GRIN2B: variants seen among roughly 807,000 people sequenced by gnomAD.
The protein encoded by GRIN2B is glutamate ionotropic receptor NMDA type subunit 2B.
A neutral mutation model predicts 114.5 loss-of-function variants in GRIN2B; 5 were observed. The ratio of observed to expected loss-of-function variants is 0.04; its 90% confidence interval spans 0.02 to 0.09. GRIN2B has a LOEUF of 0.09. GRIN2B is among the 10% of genes least tolerant of loss of function. The pLI, the probability that GRIN2B is intolerant of heterozygous loss-of-function variation, is 1.00. For missense variants in GRIN2B, 1,108 were observed against 1,943.5 expected, an observed-to-expected ratio of 0.57 and a Z score of 8.08; for synonymous variants, 787 against 745.1, an observed-to-expected ratio of 1.06 and a Z score of -0.92.
intron 2 of GRIN2B, among the ~76,000 whole-genome samples, chr12:13,920,685 T>C (rs1391734671): frequency 6.6e-6 from 1 of 152,130 alleles, no homozygotes; most frequent in Admixed American, 6.5e-5. Flanking sequence ...CTGGAAGACG[T>C]CACTTTGATG....
chr12:13,900,286 C>A (rs1866422905), intron 2 of GRIN2B, among the ~76,000 whole-genome samples: 1 of 151,928 alleles, frequency 6.6e-6, no homozygotes, highest in Admixed American at 6.6e-5. Flanking sequence ...CCAGCCTGAC[C>A]AATGTGGAGA....
intron 3 of GRIN2B, among the ~76,000 whole-genome samples, chr12:13,783,737 G>T (rs1026969028): frequency 1.3e-5 from 2 of 152,126 alleles, no homozygotes; most frequent in Non-Finnish European, 2.9e-5. Context: ...CAGAGGAAAA[G>T]AGTGTGATGA....
chr12:13,907,126 A>T (rs1258025814), intron 2 of GRIN2B, among the ~76,000 whole-genome samples: 4 of 59,364 alleles, frequency 6.7e-5, no homozygotes, highest in Admixed American at 3.0e-4. Context: ...CAATCTAGAT[A>T]AAAAAAGTCT....
At chr12:13,673,441 G>A (rs1273963408) in intron 5 of GRIN2B, among the ~76,000 whole-genome samples, 1 of 152,074 alleles carries the variant, frequency 6.6e-6, no homozygotes, top group African/African-American at 2.4e-5. Flanking sequence ...GCTCAAGTTG[G>A]CTTTGGGCAG....
At chr12:13,812,134 T>A (rs1331076423) in intron 3 of GRIN2B, among the ~76,000 whole-genome samples, 1 of 152,178 alleles carries the variant, frequency 6.6e-6, no homozygotes, top group Non-Finnish European at 1.5e-5. Context: ...TTTGAGTTAA[T>A]CAACCCCTCC....
chr12:13,957,377 G>T (rs572865760), intron 2 of GRIN2B, among the ~76,000 whole-genome samples: 1 of 152,150 alleles, frequency 6.6e-6, no homozygotes, highest in African/African-American at 2.4e-5. Flanking sequence ...GAGAGAGAGA[G>T]GACTGCAAAG....
intron 4 of GRIN2B, among the ~76,000 whole-genome samples, chr12:13,711,109 C>T (rs150870625): frequency 6.6e-6 from 1 of 151,932 alleles, no homozygotes. Context: ...ACAAACCTGA[C>T]AAAAACAAGA....
chr12:13,677,283 T>G (rs542969570), intron 4 of GRIN2B, among the ~76,000 whole-genome samples: 61 of 152,284 alleles, frequency 4.0e-4, no homozygotes, highest in African/African-American at 1.4e-3. Flanking sequence ...AAGACTCTTT[T>G]TTTAACTCCT....
intron 2 of GRIN2B, among the ~76,000 whole-genome samples, chr12:13,948,027 G>GA (rs1867394884): frequency 1.3e-5 from 2 of 152,152 alleles, no homozygotes; most frequent in Admixed American, 1.3e-4. Context: ...CCTAGGCCCT[G>GA]AAAGTATGGT....
chr12:13,736,885 G>A (rs1359123609), intron 4 of GRIN2B, among the ~76,000 whole-genome samples: 3 of 151,982 alleles, frequency 2.0e-5, no homozygotes, highest in East Asian at 2.0e-4. Flanking sequence ...GCCGGGCGTG[G>A]TGGTGCGTGC....
chr12:13,638,737 A>T (rs1162863904), intron 5 of GRIN2B, among the ~76,000 whole-genome samples: 1 of 152,090 alleles, frequency 6.6e-6, no homozygotes, highest in Non-Finnish European at 1.5e-5. Context: ...CTTGGAAAAT[A>T]AGGTTGGCGG....
At chr12:13,887,044 A>G (rs1866173028) in intron 2 of GRIN2B, among the ~76,000 whole-genome samples, 1 of 152,240 alleles carries the variant, frequency 6.6e-6, no homozygotes, top group Non-Finnish European at 1.5e-5. Context: ...GAGCTAGGAT[A>G]CAAACCGAGG....
chr12:13,715,529 G>A (rs971724213), intron 4 of GRIN2B, among the ~76,000 whole-genome samples: 6 of 151,840 alleles, frequency 4.0e-5, no homozygotes, highest in African/African-American at 7.3e-5. Flanking sequence ...TTGAATGAAT[G>A]CATGCATGAT....
chr12:13,848,163 A>C (rs1028359357), intron 3 of GRIN2B, among the ~76,000 whole-genome samples: 1 of 152,172 alleles, frequency 6.6e-6, no homozygotes, highest in African/African-American at 2.4e-5. Context: ...TCAGGAAAGT[A>C]CCTTCCGTTT....
chr12:13,720,264 C>CT (rs1950495395), intron 4 of GRIN2B, among the ~76,000 whole-genome samples: 1 of 152,042 alleles, frequency 6.6e-6, no homozygotes, highest in Admixed American at 6.6e-5. Flanking sequence ...TTCAACCAAG[C>CT]AGTCTTTTTC....
chr12:13,862,394 T>C (rs530774834), intron 3 of GRIN2B, among the ~76,000 whole-genome samples: 19 of 152,282 alleles, frequency 1.2e-4, no homozygotes, highest in Admixed American at 1.2e-3. Context: ...GGAAATAAAC[T>C]AACAACAAAA....
intron 10 of GRIN2B, among the ~76,000 whole-genome samples, chr12:13,605,629 A>T (rs1949236760): frequency 6.6e-6 from 1 of 151,350 alleles, no homozygotes; most frequent in South Asian, 2.1e-4. Context: ...CAACTTTTAG[A>T]ACATAATGAA....
chr12:13,757,399 G>T (rs1863595054), intron 3 of GRIN2B, among the ~76,000 whole-genome samples: 1 of 152,106 alleles, frequency 6.6e-6, no homozygotes, highest in Non-Finnish European at 1.5e-5. Flanking sequence ...CAAATAAAAG[G>T]GAAATCTTCA....
chr12:13,784,057 A>T (rs994794473), intron 3 of GRIN2B, among the ~76,000 whole-genome samples: 1 of 151,892 alleles, frequency 6.6e-6, no homozygotes, highest in African/African-American at 2.4e-5. Flanking sequence ...CCCCGTCTCT[A>T]CTAAAAACTA....
Sources: gnomAD v4.1 joint callset for allele counts (sites outside exome capture counted in the v4.1 genomes callset) on GRCh38, gnomAD v4.1.1 for gene constraint, MANE v1.5 for transcripts, NCBI Gene and HGNC (gene_info 2026-07-23, HGNC 2026-07-21) for gene names.